Variants in USP33 observed in about 807,000 individuals in gnomAD.
The protein encoded by USP33 is ubiquitin carboxyl-terminal hydrolase 33.
USP33 carries 46 observed loss-of-function variants against 124.2 expected under a neutral mutation model. The observed-to-expected ratio is 0.37, with a 90% CI of 0.29 to 0.47. The LOEUF (loss-of-function observed/expected upper bound fraction) is 0.47. USP33 is among the 20% of genes least tolerant of loss of function. The pLI, the probability that USP33 is intolerant of heterozygous loss-of-function variation, is 0.99. For missense variants in USP33, 851 were observed against 1,070.6 expected (o/e 0.79, Z 2.86); for synonymous variants, 350 against 352.3 (o/e 0.99, Z 0.07).
intron 22 of USP33, 54 bp downstream of exon 22, chr1:77,701,315 C>CA: frequency 7.6e-7 from 1 of 1,314,162 alleles, no homozygotes; most frequent in Non-Finnish European, 1.1e-6. Flanking sequence ...AAATACTTGT[C>CA]AAACAAAAAA....
intron 15 of USP33, 29 bp downstream of exon 15, chr1:77,721,143 C>A: frequency 6.2e-7 from 1 of 1,612,868 alleles, no homozygotes; most frequent in Non-Finnish European, 8.5e-7. Context: ...ACACAACATG[C>A]AATTAAAAGC....
chr1:77,721,329 T>C, intron 14 of USP33, 124 bp from the exon 15 acceptor site: 1 of 993,702 alleles, frequency 1.0e-6, no homozygotes, highest in Middle Eastern at 2.2e-4. Context: ...TTCCATTTTT[T>C]TAATCTATGC....
intron 20 of USP33, among the ~76,000 whole-genome samples, chr1:77,712,781 C>T (rs1339488618): frequency 1.3e-5 from 2 of 151,966 alleles, no homozygotes; most frequent in Non-Finnish European, 2.9e-5. Context: ...CCACTGGAGC[C>T]TAGGAGGTCG....
At chr1:77,713,557 C>CT (rs1192112747) in intron 19 of USP33, 31,026 of 145,288 alleles carry the variant, frequency 0.21, 3,451 homozygotes, top group African/African-American at 0.36. Context: ...GCTAACTTTT[C>CT]TTTTTTTTTT....
At chr1:77,749,589 C>G (rs1008441055) in intron 1 of USP33, among the ~76,000 whole-genome samples, 1 of 152,042 alleles carries the variant, frequency 6.6e-6, no homozygotes, top group Non-Finnish European at 1.5e-5. Flanking sequence ...ACCATGTTGG[C>G]CAGGCTGATC....
At chr1:77,710,364 T>C (rs749745474) in intron 21 of USP33, among the ~76,000 whole-genome samples, 9 of 152,214 alleles carry the variant, frequency 5.9e-5, no homozygotes, top group Non-Finnish European at 1.3e-4. Flanking sequence ...GTCCTTTCAA[T>C]AGTAATGTAC....
intron 19 of USP33, among the ~76,000 whole-genome samples, chr1:77,713,747 C>A (rs1021481623): frequency 3.3e-5 from 5 of 152,030 alleles, no homozygotes; most frequent in Admixed American, 6.6e-5. Context: ...AGTGCAGCAG[C>A]ATGACCATGG....
At chr1:77,748,391 C>A (rs1679942265) in intron 1 of USP33, among the ~76,000 whole-genome samples, 1 of 152,116 alleles carries the variant, frequency 6.6e-6, no homozygotes, top group African/African-American at 2.4e-5. Context: ...TCTTGATGGG[C>A]TGGGCATGGT....
intron 10 of USP33, among the ~76,000 whole-genome samples, chr1:77,726,991 G>T (rs1449797829): frequency 2.6e-5 from 4 of 152,124 alleles, no homozygotes; most frequent in Non-Finnish European, 4.4e-5. Context: ...TCTGGAAAGG[G>T]GATGTACTCA....
In USP33 at chr1:77,722,300, A is replaced by AAAAAAAC. The variant is rs993226815; in HGVS notation, c.1390-111_1390-105dup. Reference sequence around the variant, plus strand: ...AGATCAAAGCATGTTTAAATAAGCAAAAAAAACAAAAAACAAAAAAAAACA... The same window carrying AAAAAAAC: ...AGATCAAAGCATGTTTAAATAAGCAAAAAAAACAAAAAACAAAAAACAAAAAAAAACA... On this transcript the variant is annotated intron_variant, in intron 12 of 23. Transcript: ENST00000370794. 3.7e-5 allele frequency: 44 copies of AAAAAAAC among 1,184,394 alleles called. No individual in the cohort carries two copies. The South Asian group carries it at 6.5e-4, about 17-fold the overall frequency. The allele number at this position is 1,184,394 out of a possible 1,614,324, so 73.4% of individuals were successfully genotyped here.
chr1:77,728,284 T>C lies in USP33; in HGVS notation c.1135+11A>G, dbSNP rs538583088. 1 of 1,555,270 alleles carries C rather than the reference T, an allele frequency of 6.4e-7. No homozygotes were observed. The highest frequency in any genetic ancestry group is 8.7e-7 in the Non-Finnish European group (1 of 1,155,956). ...ACTATCATTTTCATGAACAAACTAC[T>C]AAATTGTCACCTGAAGCTCTGCTGT... On this transcript the variant is annotated intron_variant, in intron 10 of 23. Coordinates refer to ENST00000370794, the MANE Select transcript of USP33 (RefSeq NM_201624.3).
chr1:77,701,491 C>T lies in USP33; in HGVS notation c.2407-20G>A, dbSNP rs80253660. 5 of 1,578,568 alleles carry T rather than the reference C, an allele frequency of 3.2e-6. No homozygotes were observed. Among genetic ancestry groups the T allele is most frequent in the South Asian group, 2.2e-5 (2 of 89,030 alleles). ...GTTAAGCTACAAGGGGGAAAAAAAA[C>T]AGTCATCTAATATCTAAAACTTGCT... On this transcript the variant is annotated intron_variant, in intron 21 of 23. Coordinates refer to ENST00000370794, the MANE Select transcript of USP33 (RefSeq NM_201624.3).
intron 7 of USP33, among the ~76,000 whole-genome samples, chr1:77,731,827 G>T (rs1409449216): frequency 6.6e-6 from 1 of 152,148 alleles, no homozygotes; most frequent in Non-Finnish European, 1.5e-5. Context: ...GTCCCTGCCA[G>T]GCATGGTTGG....
At chr1:77,749,808 ACTG>A (rs1680124311) in intron 1 of USP33, among the ~76,000 whole-genome samples, 1 of 152,198 alleles carries the variant, frequency 6.6e-6, no homozygotes. Context: ...TGTTCTTCTC[ACTG>A]CTTTTTAGGC....
intron 5 of USP33, among the ~76,000 whole-genome samples, chr1:77,737,925 T>G (rs1274156626): frequency 6.6e-6 from 1 of 152,234 alleles, no homozygotes; most frequent in Non-Finnish European, 1.5e-5. Flanking sequence ...TTCTACTTAT[T>G]ACCATTCAGC....
chr1:77,748,377 A>G (rs370360946), intron 1 of USP33, among the ~76,000 whole-genome samples: 1 of 152,302 alleles, frequency 6.6e-6, no homozygotes, highest in South Asian at 2.1e-4. Context: ...CTTATTAGAA[A>G]TGGTCTTGAT....
At chr1:77,720,483 TTC>T in intron 15 of USP33, 1 of 985,440 alleles carries the variant, frequency 1.0e-6, no homozygotes, top group Non-Finnish European at 1.2e-6. Context: ...TACCATTCCT[TTC>T]TGTCATGTCA....
intron 21 of USP33, among the ~76,000 whole-genome samples, chr1:77,711,344 T>C (rs1675227583): frequency 1.3e-5 from 2 of 152,146 alleles, no homozygotes; most frequent in African/African-American, 2.4e-5. Context: ...ATGGCCAACA[T>C]GGCAAAACCC....
At chr1:77,744,987 TTC>T (rs1415190808) in intron 1 of USP33, among the ~76,000 whole-genome samples, 1 of 152,226 alleles carries the variant, frequency 6.6e-6, no homozygotes, top group Non-Finnish European at 1.5e-5. Flanking sequence ...CCTGTTAACT[TTC>T]TGTCTCGTTG....
Sources: allele counts gnomAD v4.1 joint callset (sites outside exome capture counted in the v4.1 genomes callset), GRCh38; gene constraint gnomAD v4.1.1; transcripts MANE v1.5; gene names NCBI Gene and HGNC (gene_info 2026-07-23, HGNC 2026-07-21).